The following BRINP3 variants were observed in gnomAD, a reference collection of about 807,000 sequenced individuals.
The protein encoded by BRINP3 is BMP/retinoic acid-inducible neural-specific protein 3.
In BRINP3, 19 loss-of-function variants were observed where a neutral mutation model predicts 71.0. That is an observed-to-expected ratio of 0.27 (90% CI 0.19 to 0.39). The LOEUF is 0.39. Ranked by LOEUF, BRINP3 falls within the 10% of genes least tolerant of loss-of-function variation. The probability of loss-of-function intolerance (pLI) is 1.00; values close to 1 mark genes in which losing one functional copy is unlikely to be tolerated. For missense variants in BRINP3, 959 were observed against 940.8 expected, an observed-to-expected ratio of 1.02 and a Z score of -0.25; for synonymous variants, 380 against 337.7, an observed-to-expected ratio of 1.13 and a Z score of -1.37.
intron 2 of BRINP3, among the ~76,000 whole-genome samples, chr1:190,410,078 T>C (rs554851259): frequency 6.6e-6 from 1 of 152,270 alleles, no homozygotes; most frequent in East Asian, 1.9e-4. Context: ...ATTTATCCTT[T>C]GCTCTTTAAT....
intron 6 of BRINP3, among the ~76,000 whole-genome samples, chr1:190,199,922 C>G (rs1398725227): frequency 6.6e-6 from 1 of 151,936 alleles, no homozygotes; most frequent in Non-Finnish European, 1.5e-5. Context: ...GTCTATGTGA[C>G]AACTACCTGA....
intron 2 of BRINP3, among the ~76,000 whole-genome samples, chr1:190,378,519 G>A (rs1373721031): frequency 6.6e-6 from 1 of 152,118 alleles, no homozygotes; most frequent in Non-Finnish European, 1.5e-5. Flanking sequence ...TATTCCTTTG[G>A]GATGAGAGCA....
At chr1:190,199,944 C>A (rs530434843) in intron 6 of BRINP3, among the ~76,000 whole-genome samples, 2 of 152,050 alleles carry the variant, frequency 1.3e-5, no homozygotes, top group African/African-American at 4.8e-5. Context: ...TTGCCAGACT[C>A]ATTTTCTACC....
intron 5 of BRINP3, among the ~76,000 whole-genome samples, chr1:190,230,502 T>G (rs1286707748): frequency 6.6e-6 from 1 of 151,850 alleles, no homozygotes; most frequent in Non-Finnish European, 1.5e-5. Context: ...GCTGGTAAAC[T>G]GTGGTATTAT....
intron 7 of BRINP3, among the ~76,000 whole-genome samples, chr1:190,148,406 A>G (rs918657913): frequency 6.6e-6 from 1 of 151,846 alleles, no homozygotes; most frequent in Non-Finnish European, 1.5e-5. Flanking sequence ...ATCCTGACTA[A>G]CACGGAGAAA....
chr1:190,384,692 T>A lies in BRINP3; in HGVS notation c.236+69963A>T, dbSNP rs140266875. ...ATACTGTTATCACATCCTTTATAAG[T>A]AAGCAATCTGAAATTTAGAGAATCA... On this transcript the variant is annotated intron_variant, in intron 2 of 7. Transcript: ENST00000367462. 5.7e-3 allele frequency among the ~76,000 whole-genome samples: 863 copies of A among 152,078 alleles called. 6 individuals carry two copies. Among genetic ancestry groups the A allele is most frequent in the African/African-American group, 0.019 (777 of 41,540 alleles).
At chr1:190,242,024 C>T (rs1244283958) in intron 4 of BRINP3, among the ~76,000 whole-genome samples, 1 of 151,566 alleles carries the variant, frequency 6.6e-6, no homozygotes, top group African/African-American at 2.4e-5. Flanking sequence ...CTATTAAGTA[C>T]TTAATATCAG....
At chr1:190,297,112 AC>A (rs1448584501) in intron 2 of BRINP3, among the ~76,000 whole-genome samples, 3 of 152,000 alleles carry the variant, frequency 2.0e-5, no homozygotes, top group Non-Finnish European at 4.4e-5. Context: ...TATTAAAAAA[AC>A]CCCAGCAAAC....
chr1:190,362,803 A>G (rs1005871798), intron 2 of BRINP3, among the ~76,000 whole-genome samples: 1 of 152,144 alleles, frequency 6.6e-6, no homozygotes, highest in Non-Finnish European at 1.5e-5. Flanking sequence ...GGCTTCCACT[A>G]TGATTGTGAG....
intron 3 of BRINP3, among the ~76,000 whole-genome samples, chr1:190,270,951 T>C (rs1369614453): frequency 1.3e-5 from 2 of 151,632 alleles, no homozygotes; most frequent in African/African-American, 4.8e-5. Flanking sequence ...TTATATCAAA[T>C]ATTTTCTTCA....
intron 2 of BRINP3, among the ~76,000 whole-genome samples, chr1:190,408,512 G>A (rs1672454803): frequency 6.6e-6 from 1 of 151,904 alleles, no homozygotes; most frequent in African/African-American, 2.4e-5. Flanking sequence ...TATACTCTTT[G>A]TAAGGTCCCT....
intron 1 of BRINP3, among the ~76,000 whole-genome samples, chr1:190,455,407 A>C (rs570884720): frequency 1.8e-4 from 28 of 152,306 alleles, no homozygotes; most frequent in Non-Finnish European, 1.5e-4. Context: ...AATCTACATA[A>C]ACACGGAGTA....
intron 1 of BRINP3, among the ~76,000 whole-genome samples, chr1:190,467,838 T>G (rs1419621080): frequency 6.6e-6 from 1 of 151,530 alleles, no homozygotes; most frequent in Non-Finnish European, 1.5e-5. Flanking sequence ...TTGAAAAACA[T>G]TTTTAGAGAT....
At chr1:190,445,389 C>T (rs538591952) in intron 2 of BRINP3, among the ~76,000 whole-genome samples, 6 of 151,848 alleles carry the variant, frequency 4.0e-5, no homozygotes, top group Non-Finnish European at 7.4e-5. Flanking sequence ...TATTTAAACT[C>T]GATTAAAAAA....
At chr1:190,311,232 G>C (rs1470052490) in intron 2 of BRINP3, among the ~76,000 whole-genome samples, 5 of 151,582 alleles carry the variant, frequency 3.3e-5, no homozygotes, top group African/African-American at 1.2e-4. Context: ...ATCAAGAAAG[G>C]CTTCATAGAA....
intron 7 of BRINP3, among the ~76,000 whole-genome samples, chr1:190,158,488 T>A (rs1657058208): frequency 6.6e-6 from 1 of 151,976 alleles, no homozygotes; most frequent in Non-Finnish European, 1.5e-5. Flanking sequence ...AGGGGGCCAA[T>A]TATTGAAAAC....
chr1:190,173,430 CA>C (rs1197857364), intron 6 of BRINP3, among the ~76,000 whole-genome samples: 1 of 152,170 alleles, frequency 6.6e-6, no homozygotes, highest in Non-Finnish European at 1.5e-5. Context: ...GGAGCAGCCA[CA>C]CTGTAACCAT....
intron 3 of BRINP3, among the ~76,000 whole-genome samples, chr1:190,272,421 T>C (rs553276657): frequency 4.6e-5 from 7 of 151,476 alleles, no homozygotes; most frequent in African/African-American, 1.7e-4. Context: ...AAGTTGCATA[T>C]GTACTTAGCA....
At chr1:190,386,307 C>T (rs1670902442) in intron 2 of BRINP3, among the ~76,000 whole-genome samples, 1 of 150,426 alleles carries the variant, frequency 6.6e-6, no homozygotes, top group African/African-American at 2.4e-5. Context: ...TCCTTTAAGT[C>T]AAAGATATGG....
Sources: gnomAD v4.1 joint callset for allele counts (sites outside exome capture counted in the v4.1 genomes callset) on GRCh38, gnomAD v4.1.1 for gene constraint, MANE v1.5 for transcripts, NCBI Gene and HGNC (gene_info 2026-07-23, HGNC 2026-07-21) for gene names.